Variants in RBM39 observed in about 807,000 individuals in gnomAD.
The protein encoded by RBM39 is RNA binding motif protein 39, also known as RNA-binding protein 39.
A neutral mutation model predicts 79.6 loss-of-function variants in RBM39; 12 were observed. The observed-to-expected ratio is 0.15, with a 90% CI of 0.10 to 0.24. The LOEUF is 0.24. Among genes scored for constraint, RBM39 ranks in the 10% least tolerant of loss-of-function variants. The probability of loss-of-function intolerance (pLI) is 1.00; values close to 1 mark genes in which losing one functional copy is unlikely to be tolerated. For synonymous variants in RBM39, 185 were observed against 208.4 expected (o/e 0.89, Z 0.97); for missense variants, 243 against 653.4 (o/e 0.37, Z 6.85).
At position 35,712,435 on chromosome 20, in the gene RBM39, CAAAAAAAAAAA is replaced by C. The variant is rs765974114; in HGVS notation, c.1174+573_1174+583del. On this transcript the variant is annotated intron_variant, in intron 12 of 16. Transcript: ENST00000253363. The stretch of plus-strand genomic sequence containing the variant: ...GCAACAGAGCAAGTCTACTGTTATC[CAAAAAAAAAAA>C]AAAAAAAAAAAAAGGGGGCGGGGGG... 1.8e-4 allele frequency among the ~76,000 whole-genome samples: 6 copies of C among 32,814 alleles called. No homozygotes were observed. In the South Asian group the frequency reaches 6.4e-3, roughly 35 times the overall value. The allele number at this position is 32,814 out of a possible 152,430, so 21.5% of individuals were successfully genotyped here.
At position 35,732,044 on chromosome 20, in the gene RBM39, T is replaced by G; in HGVS notation, c.193A>C (p.Lys65Gln). The G allele has an allele frequency of 6.2e-7, 1 of 1,614,126 alleles. No individual in the cohort carries two copies. The highest frequency in any genetic ancestry group is 8.5e-7 in the Non-Finnish European group (1 of 1,180,022). ...RKRSRDRERK[K>Q]SKSRERKRSR... ...CGCTTTCTTTCACGGCTTTTGCTCT[T>G]TTTCCTTTCTCTGTCTCTACTTCGC... is the stretch of plus-strand genomic sequence containing the variant. The change falls in exon 4 of 17, where the codon AAG (lysine) becomes CAG (glutamine). Residue 65 changes from lysine to glutamine, a missense_variant. Lys to Gln is a moderately conservative substitution (Grantham distance 53, BLOSUM62 1). Coordinates refer to ENST00000253363, the MANE Select transcript of RBM39 (RefSeq NM_184234.3).
intron 9 of RBM39, among the ~76,000 whole-genome samples, chr20:35,719,580 G>A (rs529140162): frequency 7.2e-5 from 11 of 151,968 alleles, no homozygotes; most frequent in African/African-American, 2.7e-4. Flanking sequence ...AGGAGGCTGA[G>A]GCAGGAGAAT....
rs1312186201 is a variant in RBM39, at chr20:35,703,804, A to G, written c.*677T>C. 3 of 152,422 alleles carry G rather than the reference A, an allele frequency of 2.0e-5. No individual in the cohort carries two copies. The East Asian group carries it at 5.8e-4, about 29-fold the overall frequency. The allele number at this position is 152,422 out of a possible 1,614,324, so 9.4% of individuals were successfully genotyped here. On this transcript the variant is annotated 3_prime_UTR_variant, in exon 17 of 17. Coordinates refer to ENST00000253363, the MANE Select transcript of RBM39 (RefSeq NM_184234.3). ...GACAAAACCTATTTCTGCATTTCCT[A>G]TTTCTTTCTCAGACTGCTTTGCCTA...
chr20:35,703,305 T>G lies in RBM39; in HGVS notation c.*1176A>C, dbSNP rs1247489264. The G allele has an allele frequency of 4.6e-5, 7 of 152,224 alleles. No individual in the cohort carries two copies. The highest frequency in any genetic ancestry group is 1.0e-4 in the Non-Finnish European group (7 of 68,030). 9.4% of individuals were successfully genotyped at this position (152,224 alleles called of 1,614,324 possible). A position where few individuals can be genotyped will look rare whatever the true frequency, so the allele number is the denominator to read the frequency against. ...AAGCCATTTTGTTAAGTATGTATTG[T>G]AAATGGTGAAAATTTCTTCATAAAT... is the stretch of plus-strand genomic sequence containing the variant. On this transcript the variant is annotated 3_prime_UTR_variant, in exon 17 of 17. Transcript: ENST00000253363.
intron 9 of RBM39, among the ~76,000 whole-genome samples, chr20:35,718,813 CAAAAA>C (rs555136304): frequency 1.1e-4 from 4 of 37,878 alleles, no homozygotes; most frequent in Non-Finnish European, 2.1e-4. Context: ...TACTCCATCT[CAAAAA>C]AAAAAAAAAA....
At chr20:35,732,324 G>T in intron 3 of RBM39, 189 bp from the exon 4 acceptor site, 1 of 599,442 alleles carries the variant, frequency 1.7e-6, no homozygotes, top group East Asian at 2.9e-5. Flanking sequence ...TTGGTAGGCC[G>T]AGGCAGGCAG....
In RBM39 at chr20:35,702,820, T is replaced by C. The variant is rs1459968239; in HGVS notation, c.*1661A>G. 1 of 143,356 alleles carries C rather than the reference T, an allele frequency of 7.0e-6. No homozygotes were observed. The highest frequency in any genetic ancestry group is 2.1e-4 in the East Asian group (1 of 4,718). 8.9% of individuals were successfully genotyped at this position (143,356 alleles called of 1,614,324 possible). A position where few individuals can be genotyped will look rare whatever the true frequency, so the allele number is the denominator to read the frequency against. On this transcript the variant is annotated 3_prime_UTR_variant, in exon 17 of 17. Transcript: ENST00000253363. ...CACCTGTCCCAGCTCTTCAGGAGAC[T>C]GAGGTGGGAGAATTGCTTGAACCTG...
Position 35,724,954 on chromosome 20 carries a change from C to T in RBM39, c.534+84G>A, listed in dbSNP as rs371108939. 63 of 1,086,714 alleles carry T rather than the reference C, an allele frequency of 5.8e-5. No individual in the cohort carries two copies. In the East Asian group the frequency reaches 1.1e-3, roughly 18 times the overall value. The allele number at this position is 1,086,714 out of a possible 1,614,324, so 67.3% of individuals were successfully genotyped here. ...ACATTACCACAAACAAATACTGCTA[C>T]TAAATCAAATGAAGTATTTGATGTT... On this transcript the variant is annotated intron_variant, in intron 7 of 16. Coordinates refer to ENST00000253363, the MANE Select transcript of RBM39 (RefSeq NM_184234.3).
intron 3 of RBM39, chr20:35,734,758 C>T (rs945332769): frequency 1.6e-6 from 2 of 1,254,740 alleles, no homozygotes. Context: ...TCAGAAAATA[C>T]AATCTTTTGC....
intron 4 of RBM39, among the ~76,000 whole-genome samples, chr20:35,729,854 AAAC>A (rs757891598): frequency 5.3e-5 from 8 of 150,256 alleles, no homozygotes; most frequent in Non-Finnish European, 1.0e-4. Context: ...AAAAAAAAAA[AAAC>A]ACACACACAC....
At chr20:35,734,136 A>C (rs531369763) in intron 3 of RBM39, 93 of 1,105,824 alleles carry the variant, frequency 8.4e-5, no homozygotes, top group Non-Finnish European at 1.1e-4. Flanking sequence ...GAGAACCTGT[A>C]AGCAGGTCAT....
chr20:35,713,191 A>C, intron 11 of RBM39, 95 bp from the exon 12 acceptor site: 1 of 1,092,296 alleles, frequency 9.2e-7, no homozygotes, highest in Non-Finnish European at 1.3e-6. Flanking sequence ...ACTAAAATAA[A>C]TTGCAAGGAG....
intron 10 of RBM39, among the ~76,000 whole-genome samples, chr20:35,714,713 G>A (rs1407495525): frequency 2.0e-5 from 3 of 152,246 alleles, no homozygotes; most frequent in African/African-American, 7.2e-5. Context: ...CACTTGGAGA[G>A]GCCGAGGCAG....
In RBM39 at chr20:35,740,347, A is replaced by C. The variant is rs139172712; in HGVS notation, c.51+477T>G. On this transcript the variant is annotated intron_variant, in intron 2 of 16. Coordinates refer to ENST00000253363, the MANE Select transcript of RBM39 (RefSeq NM_184234.3). ...AAAATCTCACCCATTTCTTCTTATA[A>C]GACTGTTAGAAGATTTAACTTGCCA... 2.1e-3 allele frequency: 681 copies of C among 327,666 alleles called. 7 individuals carry two copies. The highest frequency in any genetic ancestry group is 1.3e-3 in the East Asian group (16 of 12,052). 20.3% of individuals were successfully genotyped at this position (327,666 alleles called of 1,614,324 possible).
At chr20:35,736,447 G>A in intron 3 of RBM39, 1 of 313,338 alleles carries the variant, frequency 3.2e-6, no homozygotes, top group Non-Finnish European at 6.8e-6. Context: ...AAAAAATAGT[G>A]GCTTAACAAG....
At chr20:35,720,564 GTA>G (rs2037771562) in intron 9 of RBM39, among the ~76,000 whole-genome samples, 1 of 150,922 alleles carries the variant, frequency 6.6e-6, no homozygotes, top group Admixed American at 6.6e-5. Flanking sequence ...GAGGTCAGGA[GTA>G]TGAGACCAAC....
chr20:35,733,417 A>G (rs2039584087), intron 3 of RBM39, among the ~76,000 whole-genome samples: 1 of 152,104 alleles, frequency 6.6e-6, no homozygotes, highest in Admixed American at 6.5e-5. Context: ...AGACCAGCCT[A>G]GTCGACACGG....
chr20:35,729,432 T>C lies in RBM39; in HGVS notation c.362+30A>G, dbSNP rs144558319. 2.3e-3 allele frequency: 3,626 copies of C among 1,610,326 alleles called. 34 individuals are homozygous for C. Among genetic ancestry groups the C allele is most frequent in the Middle Eastern group, 0.016 (94 of 5,892 alleles). On this transcript the variant is annotated intron_variant, in intron 5 of 16. Transcript: ENST00000253363. ...AGCATGTTAGTTCCTTGAAAAACAATTTAAACAATTCAGAAGTATGTTTAA... is the reference window on the plus strand; with the variant it reads ...AGCATGTTAGTTCCTTGAAAAACAACTTAAACAATTCAGAAGTATGTTTAA...
At chr20:35,735,078 T>C (rs1037213059) in intron 3 of RBM39, 1 of 1,559,716 alleles carries the variant, frequency 6.4e-7, no homozygotes, top group Non-Finnish European at 8.6e-7. Flanking sequence ...TAATGCAAAG[T>C]ATTCTGGAAA....
Sources: gnomAD v4.1 joint callset for allele counts (sites outside exome capture counted in the v4.1 genomes callset) on GRCh38, gnomAD v4.1.1 for gene constraint, MANE v1.5 for transcripts, NCBI Gene and HGNC (gene_info 2026-07-23, HGNC 2026-07-21) for gene names.